Variants in GIT2 observed in about 807,000 individuals in gnomAD.
The protein encoded by GIT2 is GIT ArfGAP 2.
In GIT2, 32 loss-of-function variants were observed where a neutral mutation model predicts 100.3. The observed-to-expected ratio is 0.32, with a 90% CI of 0.24 to 0.43. The LOEUF (loss-of-function observed/expected upper bound fraction) is 0.43. Ranked by LOEUF, GIT2 falls within the 20% of genes least tolerant of loss-of-function variation. The pLI is 1.00. For synonymous variants in GIT2, 353 were observed against 364.1 expected, an observed-to-expected ratio of 0.97 and a Z score of 0.35; for missense variants, 737 against 975.1, an observed-to-expected ratio of 0.76 and a Z score of 3.25.
At chr12:109,958,175 A>C (rs1261205803) in intron 12 of GIT2, among the ~76,000 whole-genome samples, 1 of 151,534 alleles carries the variant, frequency 6.6e-6, no homozygotes, top group Non-Finnish European at 1.5e-5. Flanking sequence ...CAATCTCCTG[A>C]CCTCGTGATC....
intron 7 of GIT2, among the ~76,000 whole-genome samples, chr12:109,967,958 G>A (rs1477820519): frequency 6.6e-6 from 1 of 152,180 alleles, no homozygotes; most frequent in Non-Finnish European, 1.5e-5. Flanking sequence ...CATCTGCAAG[G>A]AAGCTTACTG....
intron 1 of GIT2, among the ~76,000 whole-genome samples, chr12:109,992,413 C>G (rs1888590625): frequency 6.6e-6 from 1 of 151,976 alleles, no homozygotes; most frequent in Non-Finnish European, 1.5e-5. Context: ...TCCCAAAGTG[C>G]TGAGATTACA....
chr12:109,990,822 GTCTC>G (rs145289789), intron 2 of GIT2, among the ~76,000 whole-genome samples: 3,468 of 152,274 alleles, frequency 0.023, 124 homozygotes, highest in African/African-American at 0.079. Context: ...ATTTAATTTG[GTCTC>G]TCTGACTAGT....
At chr12:109,938,693 C>T in intron 17 of GIT2, 125 bp from the exon 18 acceptor site, 1 of 663,316 alleles carries the variant, frequency 1.5e-6, no homozygotes, top group Non-Finnish European at 2.5e-6. Context: ...TTCCTTTATC[C>T]TGTCTAGCAG....
chr12:109,999,140 C>G (rs1373177718), upstream of GIT2: 1 of 152,430 alleles, frequency 6.6e-6, no homozygotes, highest in East Asian at 1.9e-4. The surrounding 1 kb of genome is among the most constrained non-coding windows in gnomAD (Gnocchi z 4.3). Flanking sequence ...TTGTCACCCC[C>G]TGACTTCAGA....
intron 1 of GIT2, among the ~76,000 whole-genome samples, chr12:109,994,993 TCA>T (rs764026110): frequency 1.1e-3 from 164 of 152,354 alleles, no homozygotes; most frequent in Non-Finnish European, 2.0e-3. Context: ...GTTTGAGTTA[TCA>T]CAGTTCTATT....
At chr12:109,974,555 C>T (rs1267076995) in intron 7 of GIT2, among the ~76,000 whole-genome samples, 2 of 152,142 alleles carry the variant, frequency 1.3e-5, no homozygotes, top group Admixed American at 1.3e-4. Flanking sequence ...GTTCAACTTC[C>T]AAGCACTTGG....
At chr12:109,974,395 C>T (rs1884591604) in intron 7 of GIT2, among the ~76,000 whole-genome samples, 2 of 151,896 alleles carry the variant, frequency 1.3e-5, no homozygotes, top group Non-Finnish European at 2.9e-5. Flanking sequence ...GGTGTGGTAG[C>T]ACGTGCCTGT....
At chr12:109,968,567 G>C (rs1047199180) in intron 7 of GIT2, among the ~76,000 whole-genome samples, 1 of 152,036 alleles carries the variant, frequency 6.6e-6, no homozygotes, top group Non-Finnish European at 1.5e-5. Context: ...GGGATTACAG[G>C]CATGCGCCAC....
In GIT2 at chr12:109,994,595, G is replaced by A. The variant is rs149629622; in HGVS notation, c.52+1578C>T. Among the ~76,000 whole-genome samples the A allele has an allele frequency of 2.6e-4, 39 of 152,292 alleles. No individual in the cohort carries two copies. In the Middle Eastern group the frequency reaches 0.01, roughly 40 times the overall value. ...TGACTCAAGTCTCTGCAGATTAGGC[G>A]TATGAGACAACAACTAAAGCGATAC... On this transcript the variant is annotated intron_variant, in intron 1 of 19. Coordinates refer to ENST00000355312, the MANE Select transcript of GIT2 (RefSeq NM_057169.5).
Position 109,953,299 on chromosome 12 carries a change from G to A in GIT2, c.1100-65C>T, listed in dbSNP as rs1160659059. The A allele has an allele frequency of 1.9e-5, 29 of 1,547,012 alleles. No homozygotes were observed. In the East Asian group the frequency reaches 2.9e-4, roughly 16 times the overall value. On this transcript the variant is annotated intron_variant, in intron 12 of 19. Transcript: ENST00000355312. ...CATTGCTTTTCTTCCAAAAAACTAC[G>A]GAGAGGATTTTTTGGTTTAGCCATT...
intron 16 of GIT2, among the ~76,000 whole-genome samples, chr12:109,941,441 T>A (rs528321991): frequency 1.2e-4 from 19 of 152,134 alleles, no homozygotes; most frequent in Non-Finnish European, 2.6e-4. Context: ...AGCACTGTGG[T>A]CTTCCAGAGA....
At chr12:109,976,188 T>C (rs1329669534) in intron 7 of GIT2, among the ~76,000 whole-genome samples, 1 of 152,064 alleles carries the variant, frequency 6.6e-6, no homozygotes, top group African/African-American at 2.4e-5. Flanking sequence ...CAGTAGAAGG[T>C]AGAAATCTTA....
chr12:109,999,960 G>A (rs1002635930), upstream of GIT2, among the ~76,000 whole-genome samples: 12 of 152,178 alleles, frequency 7.9e-5, no homozygotes, highest in Non-Finnish European at 1.8e-4. The surrounding 1 kb of genome is among the most constrained non-coding windows in gnomAD (Gnocchi z 4.3). Context: ...ACCGTGCGAC[G>A]GGCTTTTTAA....
intron 4 of GIT2, among the ~76,000 whole-genome samples, chr12:109,985,801 C>T (rs1220926026): frequency 1.3e-5 from 2 of 151,644 alleles, no homozygotes; most frequent in Admixed American, 6.6e-5. Flanking sequence ...TGCAGTGAGC[C>T]GAGATCGTGC....
chr12:109,932,604 T>A lies in GIT2; in HGVS notation c.*374A>T, dbSNP rs1871836907. 1.1e-5 allele frequency: 2 copies of A among 176,456 alleles called. No homozygotes were observed. The highest frequency in any genetic ancestry group is 1.2e-4 in the South Asian group (1 of 8,148). 10.9% of individuals were successfully genotyped at this position (176,456 alleles called of 1,614,324 possible). ...TTTTTTCTTTTTTAACTGAACTCTC[T>A]CAAGAAAATGTTTTATGAAAAATTT... is the stretch of plus-strand genomic sequence containing the variant. On this transcript the variant is annotated 3_prime_UTR_variant, in exon 20 of 20. Coordinates refer to ENST00000355312, the MANE Select transcript of GIT2 (RefSeq NM_057169.5).
chr12:109,985,008 A>G (rs1887061434), intron 4 of GIT2, among the ~76,000 whole-genome samples: 1 of 152,218 alleles, frequency 6.6e-6, no homozygotes, highest in Admixed American at 6.5e-5. Context: ...CTACTGCAGA[A>G]AAGCTCTTAT....
At chr12:109,959,701 G>T in intron 12 of GIT2, 146 bp downstream of exon 12, 1 of 616,446 alleles carries the variant, frequency 1.6e-6, no homozygotes, top group Non-Finnish European at 2.9e-6. Context: ...CAGGTATCCC[G>T]GAACTTAAAG....
chr12:109,944,746 A>G (rs1339423772), intron 16 of GIT2, among the ~76,000 whole-genome samples: 1 of 152,106 alleles, frequency 6.6e-6, no homozygotes, highest in Non-Finnish European at 1.5e-5. Context: ...AAGGTGTTAC[A>G]ATTCTGATTC....
Sources: gnomAD v4.1 joint callset for allele counts (sites outside exome capture counted in the v4.1 genomes callset) on GRCh38, gnomAD v4.1.1 for gene constraint, Gnocchi (gnomAD v3.1) non-coding constraint, MANE v1.5 for transcripts, NCBI Gene and HGNC (gene_info 2026-07-23, HGNC 2026-07-21) for gene names.